The following RPS6KC1 variants were observed in gnomAD, a reference collection of about 807,000 sequenced individuals.
RPS6KC1 encodes inactive ribosomal protein S6 kinase delta-1.
RPS6KC1 carries 54 observed loss-of-function variants against 103.8 expected under a neutral mutation model. That is an observed-to-expected ratio of 0.52 (90% confidence interval 0.42 to 0.65). The LOEUF (loss-of-function observed/expected upper bound fraction) is 0.65, where lower values mean the gene tolerates loss of function less well. Among genes scored for constraint, RPS6KC1 ranks in the 30% least tolerant of loss-of-function variants. The pLI is 0.00. For missense variants in RPS6KC1, 1,151 were observed against 1,253.8 expected, an observed-to-expected ratio of 0.92 and a Z score of 1.24; for synonymous variants, 439 against 438.7, an observed-to-expected ratio of 1.00 and a Z score of -0.01.
chr1:213,678,024 T>C, the RPS6KC1 span, among the ~76,000 whole-genome samples: 2 of 151,894 alleles, frequency 1.3e-5, no homozygotes, highest in African/African-American at 4.8e-5. Context: ...AAAAAAGATA[T>C]TTTGGCCAGA....
chr1:213,315,876 AT>A, the RPS6KC1 span, among the ~76,000 whole-genome samples: 1 of 152,284 alleles, frequency 6.6e-6, no homozygotes, highest in South Asian at 2.1e-4. Flanking sequence ...TTTTAGCTTA[AT>A]GCCCAGCATG....
the RPS6KC1 span, among the ~76,000 whole-genome samples, chr1:213,524,263 C>G: frequency 6.6e-6 from 1 of 152,070 alleles, no homozygotes. Flanking sequence ...TAGTATTGTG[C>G]ATCTTCTTCC....
the RPS6KC1 span, among the ~76,000 whole-genome samples, chr1:213,764,868 G>C: frequency 2.6e-5 from 4 of 152,134 alleles, no homozygotes; most frequent in African/African-American, 9.7e-5. Context: ...GTCAAGTCAG[G>C]CTTGCCCCTC....
chr1:213,225,507 C>T (rs1008674682), intron 8 of RPS6KC1, among the ~76,000 whole-genome samples: 2 of 151,992 alleles, frequency 1.3e-5, no homozygotes, highest in Non-Finnish European at 2.9e-5. Context: ...TCATGCCTCA[C>T]CCTCCCGAGT....
chr1:213,346,987 A>G, the RPS6KC1 span, among the ~76,000 whole-genome samples: 1 of 152,188 alleles, frequency 6.6e-6, no homozygotes, highest in East Asian at 1.9e-4. Flanking sequence ...AACAATAAAT[A>G]CCAGAAAACA....
chr1:213,497,671 T>C, the RPS6KC1 span, among the ~76,000 whole-genome samples: 38,319 of 151,946 alleles, frequency 0.25, 5,436 homozygotes, highest in Middle Eastern at 0.39. Context: ...GTAGAGTTAA[T>C]GAAATAGTCC....
chr1:213,117,088 C>T (rs370015759), intron 4 of RPS6KC1, among the ~76,000 whole-genome samples: 4 of 152,182 alleles, frequency 2.6e-5, no homozygotes, highest in African/African-American at 9.6e-5. Context: ...TTCTTCCTCC[C>T]CAGCCCCCAG....
the RPS6KC1 span, among the ~76,000 whole-genome samples, chr1:213,574,625 A>G: frequency 7.2e-5 from 11 of 152,334 alleles, no homozygotes; most frequent in Admixed American, 3.3e-4. Flanking sequence ...ATGGTCATAT[A>G]ATGACACAAT....
intron 7 of RPS6KC1, among the ~76,000 whole-genome samples, chr1:213,171,352 CTT>C (rs912684123): frequency 2.2e-5 from 3 of 138,338 alleles, no homozygotes. Context: ...AGATTTCTTT[CTT>C]TTTTTTTTTT....
chr1:213,123,145 C>T (rs559528109), intron 5 of RPS6KC1, among the ~76,000 whole-genome samples: 3 of 152,142 alleles, frequency 2.0e-5, no homozygotes, highest in South Asian at 2.1e-4. Context: ...ATAGCACTCA[C>T]AGAACTATAT....
chr1:213,676,117 A>G, the RPS6KC1 span, among the ~76,000 whole-genome samples: 1 of 152,264 alleles, frequency 6.6e-6, no homozygotes, highest in Non-Finnish European at 1.5e-5. Context: ...GGGTTTCTAT[A>G]CCTTTACACG....
chr1:213,566,388 G>T, the RPS6KC1 span, among the ~76,000 whole-genome samples: 4 of 133,604 alleles, frequency 3.0e-5, no homozygotes, highest in African/African-American at 1.1e-4. Context: ...TTGCTCTCAG[G>T]TCTCATAAAG....
downstream of RPS6KC1, among the ~76,000 whole-genome samples, chr1:213,278,027 G>A (rs1453260853): frequency 1.3e-5 from 2 of 151,998 alleles, no homozygotes; most frequent in Non-Finnish European, 2.9e-5. Flanking sequence ...AACATGAAGA[G>A]AGCCTGTCTC....
the RPS6KC1 span, among the ~76,000 whole-genome samples, chr1:213,649,703 C>A: frequency 6.6e-6 from 1 of 152,062 alleles, no homozygotes; most frequent in African/African-American, 2.4e-5. Flanking sequence ...TTTTCTCCAA[C>A]AAAAATCGTA....
At chr1:213,157,784 GA>G (rs1292794095) in intron 6 of RPS6KC1, among the ~76,000 whole-genome samples, 1 of 152,092 alleles carries the variant, frequency 6.6e-6, no homozygotes, top group Non-Finnish European at 1.5e-5. Context: ...CATATCTGAT[GA>G]ATATTGTTGA....
chr1:213,160,309 A>G (rs919016213), intron 6 of RPS6KC1, among the ~76,000 whole-genome samples: 10 of 152,372 alleles, frequency 6.6e-5, no homozygotes, highest in Middle Eastern at 3.4e-3. Context: ...CTTTGTAGAC[A>G]TCATTCTGTT....
the RPS6KC1 span, among the ~76,000 whole-genome samples, chr1:213,848,006 C>A: frequency 6.6e-6 from 1 of 151,978 alleles, no homozygotes; most frequent in African/African-American, 2.4e-5. Context: ...GAGAGAGAAG[C>A]AATTGCAGTT....
chr1:213,442,315 CT>C, the RPS6KC1 span, among the ~76,000 whole-genome samples: 1 of 152,236 alleles, frequency 6.6e-6, no homozygotes, highest in Non-Finnish European at 1.5e-5. Flanking sequence ...ATTCTACCCC[CT>C]GTGCCCAGAA....
the RPS6KC1 span, among the ~76,000 whole-genome samples, chr1:213,295,751 T>A: frequency 1.3e-5 from 2 of 152,118 alleles, no homozygotes; most frequent in African/African-American, 4.8e-5. Flanking sequence ...ATTATAAGGA[T>A]ATATTGTCCA....
Sources: allele counts gnomAD v4.1 joint callset (sites outside exome capture counted in the v4.1 genomes callset), GRCh38; gene constraint gnomAD v4.1.1; transcripts MANE v1.5; gene names NCBI Gene and HGNC (gene_info 2026-07-23, HGNC 2026-07-21).